FAM227B: variants seen among roughly 807,000 people sequenced by gnomAD.
FAM227B encodes family with sequence similarity 227 member B.
FAM227B carries 88 observed loss-of-function variants against 73.8 expected under a neutral mutation model. The ratio of observed to expected loss-of-function variants is 1.19; its 90% CI spans 1.00 to 1.42. The LOEUF is 1.42. FAM227B is among the 40% of genes most tolerant of loss of function. The pLI is 0.00. For synonymous variants in FAM227B, 210 were observed against 190.5 expected, an observed-to-expected ratio of 1.10 and a Z score of -0.84; for missense variants, 632 against 590.9, an observed-to-expected ratio of 1.07 and a Z score of -0.72.
intron 5 of FAM227B, among the ~76,000 whole-genome samples, chr15:49,579,297 C>T (rs573040827): frequency 1.3e-5 from 2 of 152,274 alleles, no homozygotes; most frequent in Admixed American, 6.5e-5. Flanking sequence ...AGCAATCCCA[C>T]TACTCAGTAT....
At chr15:49,492,904 A>T (rs2057248709) in intron 11 of FAM227B, among the ~76,000 whole-genome samples, 1 of 151,942 alleles carries the variant, frequency 6.6e-6, no homozygotes, top group Non-Finnish European at 1.5e-5. Flanking sequence ...TTCTACATAA[A>T]TGATCAAACC....
At chr15:49,513,127 G>A (rs2059135018) in intron 10 of FAM227B, among the ~76,000 whole-genome samples, 1 of 152,120 alleles carries the variant, frequency 6.6e-6, no homozygotes, top group Non-Finnish European at 1.5e-5. Context: ...TCTAGCAATG[G>A]AATTGCTGGA....
At chr15:49,375,730 C>T (rs955386859) in intron 11 of FAM227B, among the ~76,000 whole-genome samples, 4 of 152,066 alleles carry the variant, frequency 2.6e-5, no homozygotes, top group African/African-American at 9.7e-5. Context: ...ACAGGCAAAA[C>T]TTAGAGCATA....
At position 49,489,805 on chromosome 15, in the gene FAM227B, A is replaced by T. The variant is rs1224557646; in HGVS notation, c.1012+18406T>A. Among the ~76,000 whole-genome samples the T allele has an allele frequency of 4.5e-4, 21 of 46,826 alleles. 1 individual carries two copies. Among genetic ancestry groups the T allele is most frequent in the South Asian group, 1.3e-3 (2 of 1,594 alleles). 30.7% of individuals were successfully genotyped at this position (46,826 alleles called of 152,430 possible). ...AACAGGAGATATATATATATATTTT[A>T]TATATATATATATATTTTATATATA... On this transcript the variant is annotated intron_variant, in intron 11 of 15. Transcript: ENST00000299338.
intron 11 of FAM227B, among the ~76,000 whole-genome samples, chr15:49,383,905 T>A (rs11636795): frequency 0.74 from 113,030 of 151,926 alleles, 42,406 homozygotes; most frequent in African/African-American, 0.79. Flanking sequence ...CATTTGTCAT[T>A]CTCCCCCCAA....
chr15:49,349,076 C>T (rs922082248), intron 13 of FAM227B, among the ~76,000 whole-genome samples: 2 of 152,156 alleles, frequency 1.3e-5, no homozygotes, highest in African/African-American at 4.8e-5. Context: ...TTATTTAATT[C>T]ACTAGTTAGT....
At chr15:49,562,895 C>T (rs2074368131) in intron 9 of FAM227B, among the ~76,000 whole-genome samples, 1 of 152,010 alleles carries the variant, frequency 6.6e-6, no homozygotes, top group Non-Finnish European at 1.5e-5. Context: ...CAATATCATA[C>T]TAAAAGGGCA....
intron 10 of FAM227B, among the ~76,000 whole-genome samples, chr15:49,540,809 G>A (rs1001987963): frequency 6.6e-6 from 1 of 152,086 alleles, no homozygotes; most frequent in Non-Finnish European, 1.5e-5. Context: ...TTGTTTGAAT[G>A]CAGTGGTCAT....
intron 11 of FAM227B, among the ~76,000 whole-genome samples, chr15:49,399,418 G>C (rs1218567167): frequency 1.3e-5 from 2 of 149,526 alleles, no homozygotes; most frequent in Non-Finnish European, 3.0e-5. Context: ...TCTACCAGAG[G>C]TACAAGGAGG....
chr15:49,478,956 G>T (rs749946548), intron 11 of FAM227B, among the ~76,000 whole-genome samples: 10 of 152,090 alleles, frequency 6.6e-5, no homozygotes, highest in Non-Finnish European at 1.3e-4. Context: ...AGATTTTAGA[G>T]AATTTTTTTA....
chr15:49,354,774 A>G (rs2042835168), intron 13 of FAM227B, among the ~76,000 whole-genome samples: 2 of 151,850 alleles, frequency 1.3e-5, no homozygotes, highest in African/African-American at 4.8e-5. Context: ...TGTAGGCTCC[A>G]CCTCTGGGGG....
chr15:49,511,488 T>C (rs2058995244), intron 10 of FAM227B, among the ~76,000 whole-genome samples: 1 of 152,146 alleles, frequency 6.6e-6, no homozygotes, highest in Non-Finnish European at 1.5e-5. Flanking sequence ...CCAGGGAACA[T>C]GTGTGGATGT....
chr15:49,461,179 C>A lies in FAM227B; in HGVS notation c.1012+47032G>T, dbSNP rs1402296208. On this transcript the variant is annotated intron_variant, in intron 11 of 15. Coordinates refer to ENST00000299338, the MANE Select transcript of FAM227B (RefSeq NM_152647.3). ...CTCCTCGACTAGACTAGTGACAGAT[C>A]TTTTCTCTTCCTTACTACTTTGCCA... Among the ~76,000 whole-genome samples the A allele has an allele frequency of 3.3e-5, 5 of 152,180 alleles. No individual in the cohort carries two copies. The East Asian group carries it at 9.6e-4, about 29-fold the overall frequency.
chr15:49,484,567 T>C (rs908513751), intron 11 of FAM227B: 1 of 812,738 alleles, frequency 1.2e-6, no homozygotes, highest in Non-Finnish European at 1.8e-6. Context: ...ACTGTTTTCT[T>C]TCTTCTCAAA....
At chr15:49,523,381 C>T (rs59363185) in intron 10 of FAM227B, among the ~76,000 whole-genome samples, 48,345 of 151,994 alleles carry the variant, frequency 0.32, 8,311 homozygotes, top group African/African-American at 0.43. Context: ...GGAGTTTCCC[C>T]GCACAAGCTC....
At chr15:49,418,542 G>C (rs546458568) in intron 11 of FAM227B, among the ~76,000 whole-genome samples, 2 of 152,226 alleles carry the variant, frequency 1.3e-5, no homozygotes, top group African/African-American at 2.4e-5. Context: ...AACTAACACA[G>C]GAACAGCAAA....
At chr15:49,526,124 AT>A (rs2060188255) in intron 10 of FAM227B, among the ~76,000 whole-genome samples, 1 of 152,134 alleles carries the variant, frequency 6.6e-6, no homozygotes, top group East Asian at 1.9e-4. Context: ...CATATGGAAC[AT>A]TCTCCAAAAC....
chr15:49,351,130 T>C (rs2042185233), intron 13 of FAM227B, among the ~76,000 whole-genome samples: 1 of 149,396 alleles, frequency 6.7e-6, no homozygotes, highest in African/African-American at 2.5e-5. Flanking sequence ...TTAGTTTTGT[T>C]AGCCTTGTTT....
At chr15:49,527,225 T>A (rs1244351005) in intron 10 of FAM227B, among the ~76,000 whole-genome samples, 1 of 151,986 alleles carries the variant, frequency 6.6e-6, no homozygotes, top group African/African-American at 2.4e-5. Flanking sequence ...GATGTAAGGA[T>A]GGCTCAAGAT....
Sources: allele counts gnomAD v4.1 joint callset (sites outside exome capture counted in the v4.1 genomes callset), GRCh38; gene constraint gnomAD v4.1.1; transcripts MANE v1.5; gene names NCBI Gene and HGNC (gene_info 2026-07-23, HGNC 2026-07-21).